STXBP6: variants seen among roughly 807,000 people sequenced by gnomAD.
The protein encoded by STXBP6 is syntaxin-binding protein 6.
A neutral mutation model predicts 26.9 loss-of-function variants in STXBP6; 21 were observed. That is an observed-to-expected ratio of 0.78 (90% CI 0.55 to 1.12). STXBP6 has a LOEUF of 1.12. Among genes scored for constraint, STXBP6 ranks in the 50% most tolerant of loss-of-function variants. The pLI, the probability that STXBP6 is intolerant of heterozygous loss-of-function variation, is 0.00. For synonymous variants in STXBP6, 97 were observed against 92.6 expected (o/e 1.05, Z -0.27); for missense variants, 232 against 257.9 (o/e 0.90, Z 0.69).
chr14:24,903,899 C>T (rs922440430), intron 2 of STXBP6, among the ~76,000 whole-genome samples: 47 of 152,184 alleles, frequency 3.1e-4, no homozygotes, highest in African/African-American at 1.0e-3. Context: ...AGGGCATCTA[C>T]GTGTATACAC....
chr14:24,940,132 G>A (rs1296222108), intron 2 of STXBP6, among the ~76,000 whole-genome samples: 2 of 152,188 alleles, frequency 1.3e-5, no homozygotes, highest in East Asian at 3.8e-4. Flanking sequence ...CTCTGGAGAG[G>A]AACTTGCCTG....
At chr14:24,852,729 G>A (rs2069195942) in intron 4 of STXBP6, among the ~76,000 whole-genome samples, 1 of 152,108 alleles carries the variant, frequency 6.6e-6, no homozygotes, top group South Asian at 2.1e-4. Flanking sequence ...CATAAAGGCG[G>A]GTTTTCTCCC....
intron 2 of STXBP6, among the ~76,000 whole-genome samples, chr14:24,867,664 T>A (rs201130333): frequency 1.3e-5 from 2 of 151,512 alleles, no homozygotes; most frequent in Admixed American, 6.6e-5. Flanking sequence ...ACAAAAAAAA[T>A]AAATCGAAAT....
In STXBP6 at chr14:24,812,637, C is replaced by A; in HGVS notation, c.*72G>T. The stretch of plus-strand genomic sequence containing the variant: ...GAAAAAAAGAAGCAAGCGGAGGTCC[C>A]GAATTCTTGTAAAAACTGCTGAACA... On this transcript the variant is annotated 3_prime_UTR_variant, in exon 6 of 6. Coordinates refer to ENST00000323944, the MANE Select transcript of STXBP6 (RefSeq NM_001394410.1). The A allele has an allele frequency of 1.3e-6, 2 of 1,514,306 alleles. No homozygotes were observed. The highest frequency in any genetic ancestry group is 1.8e-6 in the Non-Finnish European group (2 of 1,091,560). 93.8% of individuals were successfully genotyped at this position (1,514,306 alleles called of 1,614,324 possible).
intron 2 of STXBP6, among the ~76,000 whole-genome samples, chr14:24,970,892 C>T (rs974037996): frequency 2.6e-5 from 4 of 152,106 alleles, no homozygotes; most frequent in Admixed American, 1.3e-4. Context: ...TAATTTTAGT[C>T]ATTGCTGAAA....
intron 2 of STXBP6, among the ~76,000 whole-genome samples, chr14:24,948,777 C>G (rs2073073239): frequency 6.6e-6 from 1 of 152,146 alleles, no homozygotes; most frequent in Non-Finnish European, 1.5e-5. Context: ...TATTTTGTCT[C>G]AGTATAATTT....
At chr14:24,967,459 A>G (rs2073770595) in intron 2 of STXBP6, among the ~76,000 whole-genome samples, 1 of 152,226 alleles carries the variant, frequency 6.6e-6, no homozygotes, top group Non-Finnish European at 1.5e-5. Context: ...TTTTCACTTC[A>G]TGTAACCAAT....
chr14:25,039,935 T>C (rs1313839374), intron 1 of STXBP6, among the ~76,000 whole-genome samples: 3 of 151,974 alleles, frequency 2.0e-5, no homozygotes, highest in African/African-American at 4.8e-5. Context: ...TCTTGAACAA[T>C]TGCCCTCAAG....
At chr14:24,908,819 A>G (rs2071470998) in intron 2 of STXBP6, among the ~76,000 whole-genome samples, 1 of 152,184 alleles carries the variant, frequency 6.6e-6, no homozygotes, top group Admixed American at 6.5e-5. Flanking sequence ...TGCAGCATTC[A>G]CAAAAAAGGC....
At chr14:25,016,565 G>A (rs55645914) in intron 1 of STXBP6, among the ~76,000 whole-genome samples, 2 of 151,994 alleles carry the variant, frequency 1.3e-5, no homozygotes, top group African/African-American at 2.4e-5. Context: ...GAAAATCCAC[G>A]CCAAAAAGAT....
At chr14:24,944,664 G>C (rs1361489663) in intron 2 of STXBP6, among the ~76,000 whole-genome samples, 1 of 152,088 alleles carries the variant, frequency 6.6e-6, no homozygotes, top group Non-Finnish European at 1.5e-5. Context: ...TCTTCGATCC[G>C]GGGCTCTCAT....
chr14:24,818,892 T>TA, intron 5 of STXBP6, 145 bp downstream of exon 5: 4 of 1,105,118 alleles, frequency 3.6e-6, no homozygotes, highest in Non-Finnish European at 5.0e-6. Context: ...CTCAGGTGTT[T>TA]AGTAAGTAGC....
chr14:24,845,638 A>G (rs1271526448), intron 4 of STXBP6, among the ~76,000 whole-genome samples: 1 of 152,236 alleles, frequency 6.6e-6, no homozygotes, highest in Non-Finnish European at 1.5e-5. Context: ...AGAGTATATT[A>G]CAGCTTTCAG....
chr14:24,873,848 C>G (rs187042565), intron 2 of STXBP6, among the ~76,000 whole-genome samples: 27 of 152,298 alleles, frequency 1.8e-4, no homozygotes, highest in Non-Finnish European at 3.7e-4. Context: ...CCAAGCATAA[C>G]TGATGCTGGC....
intron 1 of STXBP6, among the ~76,000 whole-genome samples, chr14:24,990,809 G>A (rs964122452): frequency 6.6e-6 from 1 of 151,868 alleles, no homozygotes; most frequent in Admixed American, 6.6e-5. Context: ...ATGCCACAAA[G>A]AAAACTGGTC....
chr14:25,023,308 GA>G (rs904721160), intron 1 of STXBP6, among the ~76,000 whole-genome samples: 36 of 139,640 alleles, frequency 2.6e-4, no homozygotes, highest in Admixed American at 2.9e-4. Flanking sequence ...GATATTGTTT[GA>G]AAAAAAAAAA....
chr14:24,955,536 C>A (rs535950124), intron 2 of STXBP6, among the ~76,000 whole-genome samples: 14 of 152,314 alleles, frequency 9.2e-5, no homozygotes, highest in Middle Eastern at 6.8e-3. Flanking sequence ...AACATAAGGG[C>A]TCTAGGCATG....
intron 2 of STXBP6, among the ~76,000 whole-genome samples, chr14:24,938,477 C>G (rs2072679898): frequency 6.6e-6 from 1 of 152,026 alleles, no homozygotes; most frequent in Non-Finnish European, 1.5e-5. Flanking sequence ...ATGGTAGACA[C>G]TGCCCCTATA....
At chr14:25,046,180 A>G (rs2075724583) in intron 1 of STXBP6, among the ~76,000 whole-genome samples, 1 of 152,230 alleles carries the variant, frequency 6.6e-6, no homozygotes, top group Non-Finnish European at 1.5e-5. Context: ...AAAGTGAACA[A>G]CAGTGATAAG....
Sources: gnomAD v4.1 joint callset for allele counts (sites outside exome capture counted in the v4.1 genomes callset) on GRCh38, gnomAD v4.1.1 for gene constraint, MANE v1.5 for transcripts, NCBI Gene and HGNC (gene_info 2026-07-23, HGNC 2026-07-21) for gene names.